SGCD: variants seen among roughly 807,000 people sequenced by gnomAD.
The protein encoded by SGCD is delta-sarcoglycan.
Under a neutral mutation model 36.6 loss-of-function variants are expected in SGCD, and 18 were observed. That is an observed-to-expected ratio of 0.49 (90% CI 0.34 to 0.73). The LOEUF (loss-of-function observed/expected upper bound fraction) is 0.73, where lower values mean the gene tolerates loss of function less well. SGCD is among the 30% of genes least tolerant of loss of function. SGCD has a pLI of 0.01. For synonymous variants in SGCD, 133 were observed against 130.6 expected (o/e 1.02, Z -0.12); for missense variants, 387 against 346.7 (o/e 1.12, Z -0.92).
At chr5:156,444,530 C>T (rs558496594) in intron 3 of SGCD, among the ~76,000 whole-genome samples, 265 of 151,948 alleles carry the variant, frequency 1.7e-3, no homozygotes, top group African/African-American at 6.1e-3. Flanking sequence ...TGCTTTCTTC[C>T]GAAAGATGAT....
chr5:155,963,359 A>G (rs1361591115), intron 1 of SGCD, among the ~76,000 whole-genome samples: 1 of 152,154 alleles, frequency 6.6e-6, no homozygotes, highest in East Asian at 1.9e-4. Flanking sequence ...CAATTATTTG[A>G]TATCTCCCCA....
the SGCD span, among the ~76,000 whole-genome samples, chr5:155,823,405 T>C: frequency 6.6e-6 from 1 of 151,982 alleles, no homozygotes; most frequent in African/African-American, 2.4e-5. Flanking sequence ...GCCGCCCACA[T>C]TTGGGAGGAA....
chr5:155,957,072 A>T (rs1250980738), intron 1 of SGCD, among the ~76,000 whole-genome samples: 2 of 151,390 alleles, frequency 1.3e-5, no homozygotes, highest in African/African-American at 4.9e-5. Flanking sequence ...TGCAGAAGTG[A>T]TGCGGTTTTG....
At chr5:155,947,305 G>A (rs1264689815) in intron 1 of SGCD, among the ~76,000 whole-genome samples, 1 of 131,612 alleles carries the variant, frequency 7.6e-6, no homozygotes, top group Non-Finnish European at 1.6e-5. Context: ...GTGTGTGTGT[G>A]TGTGTGTGTG....
intron 4 of SGCD, among the ~76,000 whole-genome samples, chr5:156,544,912 C>G (rs965124184): frequency 4.6e-5 from 7 of 152,086 alleles, no homozygotes; most frequent in African/African-American, 1.7e-4. Flanking sequence ...AATTGACTTG[C>G]CTAAGGTTCC....
At chr5:156,636,620 T>G (rs1191827002) in intron 6 of SGCD, among the ~76,000 whole-genome samples, 1 of 152,156 alleles carries the variant, frequency 6.6e-6, no homozygotes, top group Non-Finnish European at 1.5e-5. Context: ...TAGGATTTGA[T>G]GCACTATGGG....
intron 1 of SGCD, among the ~76,000 whole-genome samples, chr5:156,074,876 T>C (rs2127589657): frequency 6.6e-6 from 1 of 152,284 alleles, no homozygotes; most frequent in South Asian, 2.1e-4. Flanking sequence ...ACCATATTCA[T>C]GAAGAAATAG....
Position 156,229,286 on chromosome 5 carries a change from A to ATATATATATATATATATATATATGTGTG in SGCD, c.-43-100234_-43-100233insTATATATATGTGTGTATATATATATATA, listed in dbSNP as rs1229174444. On this transcript the variant is annotated intron_variant, in intron 3 of 9. Transcript: ENST00000517913. ...CATATATATATACATACATATATAT[A>ATATATATATATATATATATATATGTGTG]TATATATATATATAAAATTAGTTCT... Among the ~76,000 whole-genome samples the ATATATATATATATATATATATATGTGTG allele has an allele frequency of 4.0e-4, 44 of 110,416 alleles. 3 individuals carry two copies. Among genetic ancestry groups the ATATATATATATATATATATATATGTGTG allele is most frequent in the African/African-American group, 4.5e-4 (11 of 24,606 alleles). 72.4% of individuals were successfully genotyped at this position (110,416 alleles called of 152,430 possible). A position where few individuals can be genotyped will look rare whatever the true frequency, so the allele number is the denominator to read the frequency against.
chr5:156,593,981 G>A (rs1332413262), intron 5 of SGCD, among the ~76,000 whole-genome samples: 3 of 152,104 alleles, frequency 2.0e-5, no homozygotes, highest in Non-Finnish European at 4.4e-5. Flanking sequence ...TTTGATCTGA[G>A]CTAGGTTCAG....
At chr5:155,887,492 T>G (rs1277932436) in intron 1 of SGCD, among the ~76,000 whole-genome samples, 1 of 152,168 alleles carries the variant, frequency 6.6e-6, no homozygotes, top group Admixed American at 6.5e-5. Flanking sequence ...CCTTCTTCTG[T>G]GTAGAGTGGA....
intron 7 of SGCD, among the ~76,000 whole-genome samples, chr5:156,682,710 T>C (rs1468442925): frequency 6.6e-6 from 1 of 152,226 alleles, no homozygotes; most frequent in African/African-American, 2.4e-5. Context: ...GAGGATATCA[T>C]TTGATCAGCA....
intron 1 of SGCD, among the ~76,000 whole-genome samples, chr5:156,072,861 C>T (rs1249314379): frequency 2.0e-5 from 3 of 152,144 alleles, no homozygotes; most frequent in African/African-American, 7.2e-5. Flanking sequence ...AACTTCCCTT[C>T]TCGCTTCATT....
the SGCD span, among the ~76,000 whole-genome samples, chr5:155,754,141 C>T: frequency 9.9e-4 from 150 of 152,252 alleles, 1 homozygote; most frequent in African/African-American, 3.3e-3. Flanking sequence ...CATTTGGAGT[C>T]CTGAATTTGC....
chr5:156,727,068 G>C (rs28719807), intron 7 of SGCD, among the ~76,000 whole-genome samples: 1,807 of 152,276 alleles, frequency 0.012, 50 homozygotes, highest in African/African-American at 0.041. Flanking sequence ...ATTGCAATAG[G>C]TTCAGGGACC....
At chr5:156,381,702 TA>T (rs1770988462) in intron 3 of SGCD, among the ~76,000 whole-genome samples, 1 of 152,208 alleles carries the variant, frequency 6.6e-6, no homozygotes, top group East Asian at 1.9e-4. Context: ...CATAGCATTT[TA>T]AAGCTGAAAG....
chr5:156,175,372 A>G (rs1415294365), intron 3 of SGCD, among the ~76,000 whole-genome samples: 1 of 151,930 alleles, frequency 6.6e-6, no homozygotes, highest in Non-Finnish European at 1.5e-5. Flanking sequence ...AAATTTACAA[A>G]TTTGCCTGGC....
At chr5:155,951,606 A>G (rs1757550224) in intron 1 of SGCD, among the ~76,000 whole-genome samples, 1 of 152,168 alleles carries the variant, frequency 6.6e-6, no homozygotes, top group African/African-American at 2.4e-5. Context: ...ATTCATCAAG[A>G]TGTAAATTTA....
intron 4 of SGCD, among the ~76,000 whole-genome samples, chr5:156,554,060 A>G (rs897623283): frequency 1.3e-5 from 2 of 152,168 alleles, no homozygotes; most frequent in South Asian, 2.1e-4. Flanking sequence ...GTGCAGTGCA[A>G]TAAGACATTT....
At chr5:156,132,757 C>G (rs545377475) in intron 3 of SGCD, among the ~76,000 whole-genome samples, 35 of 152,184 alleles carry the variant, frequency 2.3e-4, no homozygotes, top group African/African-American at 8.4e-4. Context: ...CGTGAGCCAC[C>G]GCGCCCGGCC....
Sources: allele counts gnomAD v4.1 joint callset (sites outside exome capture counted in the v4.1 genomes callset), GRCh38; gene constraint gnomAD v4.1.1; transcripts MANE v1.5; gene names NCBI Gene and HGNC (gene_info 2026-07-23, HGNC 2026-07-21).